Variants in HCN1 observed in about 807,000 individuals in gnomAD.
HCN1 encodes hyperpolarization activated cyclic nucleotide gated potassium channel 1, also known as potassium/sodium hyperpolarization-activated cyclic nucleotide-gated channel 1.
In HCN1, 13 loss-of-function variants were observed where a neutral mutation model predicts 78.9. The ratio of observed to expected loss-of-function variants is 0.16; its 90% CI spans 0.11 to 0.26. HCN1 has a LOEUF of 0.26. Among genes scored for constraint, HCN1 ranks in the 10% least tolerant of loss-of-function variants. The probability of loss-of-function intolerance (pLI) is 1.00; values close to 1 mark genes in which losing one functional copy is unlikely to be tolerated. For synonymous variants in HCN1, 552 were observed against 455.5 expected (o/e 1.21, Z -2.70); for missense variants, 810 against 1,154.3 (o/e 0.70, Z 4.32).
intron 1 of HCN1, among the ~76,000 whole-genome samples, chr5:45,667,994 G>C (rs935838434): frequency 6.6e-6 from 1 of 151,928 alleles, no homozygotes; most frequent in Non-Finnish European, 1.5e-5. Context: ...CACTTGACTG[G>C]TTAATGGCAT....
At position 45,660,402 on chromosome 5, in the gene HCN1, G is replaced by C. The variant is rs567509201; in HGVS notation, c.426-14794C>G. On this transcript the variant is annotated intron_variant, in intron 1 of 7. Transcript: ENST00000303230. Reference sequence around the variant, plus strand: ...AGGAAGAAACTGCATCAACTAACGAGCAAAATCACCAGCTAACATCATAAT... The same window carrying C: ...AGGAAGAAACTGCATCAACTAACGACCAAAATCACCAGCTAACATCATAAT... Among the ~76,000 whole-genome samples, 3 of 121,404 alleles carry C rather than the reference G, an allele frequency of 2.5e-5. No homozygotes were observed. The South Asian group carries it at 9.4e-4, about 38-fold the overall frequency. 79.6% of individuals were successfully genotyped at this position (121,404 alleles called of 152,430 possible).
intron 1 of HCN1, among the ~76,000 whole-genome samples, chr5:45,646,367 C>CTTTTT (rs201964510): frequency 7.6e-4 from 94 of 123,452 alleles, no homozygotes; most frequent in African/African-American, 1.1e-3. Flanking sequence ...TTCTTTCTTT[C>CTTTTT]TTTTTTTTTT....
At chr5:45,432,204 G>A (rs1181328633) in intron 3 of HCN1, among the ~76,000 whole-genome samples, 2 of 152,010 alleles carry the variant, frequency 1.3e-5, no homozygotes, top group Non-Finnish European at 2.9e-5. Context: ...ACTTTGAATG[G>A]CATTGCTTTC....
intron 2 of HCN1, among the ~76,000 whole-genome samples, chr5:45,545,254 G>C (rs1411169151): frequency 2.6e-5 from 4 of 152,186 alleles, no homozygotes; most frequent in African/African-American, 9.7e-5. Context: ...CTTTTGAGAA[G>C]TGTCTGTTCA....
At chr5:45,582,448 C>T (rs1471413202) in intron 2 of HCN1, among the ~76,000 whole-genome samples, 1 of 152,106 alleles carries the variant, frequency 6.6e-6, no homozygotes, top group Non-Finnish European at 1.5e-5. Flanking sequence ...TCTAGATATA[C>T]AATCATGTCA....
intron 4 of HCN1, among the ~76,000 whole-genome samples, chr5:45,372,234 A>C (rs1579848020): frequency 1.3e-5 from 1 of 74,532 alleles, no homozygotes; most frequent in African/African-American, 6.2e-5. Flanking sequence ...TATAATATAT[A>C]TTATATTTTA....
chr5:45,629,457 C>T (rs1039699701), intron 2 of HCN1, among the ~76,000 whole-genome samples: 1 of 152,036 alleles, frequency 6.6e-6, no homozygotes, highest in Admixed American at 6.6e-5. Context: ...TGAAGTGATT[C>T]TCCATAAATC....
intron 2 of HCN1, among the ~76,000 whole-genome samples, chr5:45,590,627 T>C (rs1744341450): frequency 6.6e-6 from 1 of 152,180 alleles, no homozygotes. Context: ...TCATCTAGGC[T>C]CTGCCTATTC....
At chr5:45,584,660 G>T (rs1373349272) in intron 2 of HCN1, among the ~76,000 whole-genome samples, 1 of 152,166 alleles carries the variant, frequency 6.6e-6, no homozygotes, top group Non-Finnish European at 1.5e-5. Context: ...TTTTGCAGTG[G>T]CTGATACTGG....
At chr5:45,333,366 C>T (rs955224499) in intron 5 of HCN1, among the ~76,000 whole-genome samples, 4 of 151,624 alleles carry the variant, frequency 2.6e-5, no homozygotes, top group African/African-American at 4.8e-5. Context: ...GTTGTTTGAG[C>T]TCCATATAAA....
In HCN1 at chr5:45,288,329, G is replaced by A. The variant is rs545740287; in HGVS notation, c.1618+15270C>T. 4.6e-5 allele frequency among the ~76,000 whole-genome samples: 7 copies of A among 152,110 alleles called. 1 individual carries two copies. The highest frequency in any genetic ancestry group is 2.0e-4 in the Admixed American group (3 of 15,248). The stretch of plus-strand genomic sequence containing the variant: ...ACAGTGATAATACTACAAATGAAAT[G>A]CAGCCCTTCTTTAAAAATACTGTGA... On this transcript the variant is annotated intron_variant, in intron 6 of 7. Coordinates refer to ENST00000303230, the MANE Select transcript of HCN1 (RefSeq NM_021072.4).
chr5:45,542,755 C>G (rs928085061), intron 2 of HCN1, among the ~76,000 whole-genome samples: 4 of 152,140 alleles, frequency 2.6e-5, no homozygotes, highest in Non-Finnish European at 5.9e-5. Context: ...TCCAACAGAG[C>G]TTAGCTGAAA....
intron 5 of HCN1, among the ~76,000 whole-genome samples, chr5:45,352,417 T>C (rs953946338): frequency 2.6e-5 from 4 of 151,948 alleles, no homozygotes; most frequent in Admixed American, 2.6e-4. Context: ...GAGATATACC[T>C]AATGCTAAAT....
At chr5:45,689,026 G>T (rs1444541399) in intron 1 of HCN1, among the ~76,000 whole-genome samples, 3 of 152,052 alleles carry the variant, frequency 2.0e-5, no homozygotes, top group African/African-American at 7.2e-5. Context: ...TGCATATGGG[G>T]TTTCTCCTTA....
intron 2 of HCN1, among the ~76,000 whole-genome samples, chr5:45,509,296 T>C (rs1742363654): frequency 6.6e-6 from 1 of 152,172 alleles, no homozygotes; most frequent in Admixed American, 6.6e-5. Flanking sequence ...GACACATTTA[T>C]GCTCTTTGGG....
In HCN1 at chr5:45,541,350, C is replaced by G. The variant is rs188335886; in HGVS notation, c.850-79343G>C. Among the ~76,000 whole-genome samples the G allele has an allele frequency of 3.2e-4, 48 of 152,276 alleles. 1 individual carries two copies. The South Asian group carries it at 3.3e-3, about 11-fold the overall frequency. On this transcript the variant is annotated intron_variant, in intron 2 of 7. Coordinates refer to ENST00000303230, the MANE Select transcript of HCN1 (RefSeq NM_021072.4). The stretch of plus-strand genomic sequence containing the variant: ...GTTATCCTGAACATGACTTGCCATG[C>G]GCTGCATAGTGTTACCCTGCCTTCT...
chr5:45,346,194 T>C (rs1410017885), intron 5 of HCN1, among the ~76,000 whole-genome samples: 1 of 152,178 alleles, frequency 6.6e-6, no homozygotes, highest in Non-Finnish European at 1.5e-5. Flanking sequence ...GTCCCTCCCA[T>C]GATATGTGGG....
chr5:45,351,593 T>C (rs1269514772), intron 5 of HCN1, among the ~76,000 whole-genome samples: 12 of 115,674 alleles, frequency 1.0e-4, no homozygotes, highest in Admixed American at 1.7e-4. Context: ...ACAGGCAACC[T>C]ACAACATGGG....
intron 1 of HCN1, among the ~76,000 whole-genome samples, chr5:45,666,107 TC>T (rs1746043725): frequency 6.6e-6 from 1 of 152,070 alleles, no homozygotes; most frequent in South Asian, 2.1e-4. Context: ...TTGTACTCTT[TC>T]TGCTGAACTT....
Sources: gnomAD v4.1 joint callset for allele counts (sites outside exome capture counted in the v4.1 genomes callset) on GRCh38, gnomAD v4.1.1 for gene constraint, MANE v1.5 for transcripts, NCBI Gene and HGNC (gene_info 2026-07-23, HGNC 2026-07-21) for gene names.